SSBP2: variants seen among roughly 807,000 people sequenced by gnomAD.
SSBP2 encodes single-stranded DNA-binding protein 2.
Under a neutral mutation model 61.8 loss-of-function variants are expected in SSBP2, and 17 were observed. That is an observed-to-expected ratio of 0.28 (90% CI 0.19 to 0.41). The LOEUF (loss-of-function observed/expected upper bound fraction) is 0.41. SSBP2 is among the 10% of genes least tolerant of loss of function. The pLI is 1.00. For synonymous variants in SSBP2, 139 were observed against 141.3 expected (o/e 0.98, Z 0.12); for missense variants, 310 against 458.7 (o/e 0.68, Z 2.96).
intron 5 of SSBP2, among the ~76,000 whole-genome samples, chr5:81,497,562 A>G (rs532340065): frequency 3.2e-4 from 49 of 152,312 alleles, no homozygotes; most frequent in Admixed American, 5.2e-4. Context: ...TTGGTATAAC[A>G]TATCTGGTTG....
chr5:81,430,242 AT>A (rs1328941561), intron 15 of SSBP2, among the ~76,000 whole-genome samples: 1 of 152,216 alleles, frequency 6.6e-6, no homozygotes, highest in African/African-American at 2.4e-5. Flanking sequence ...TTTACTTATA[AT>A]TTATAAATTC....
chr5:81,574,744 T>C (rs1774078423), intron 4 of SSBP2, among the ~76,000 whole-genome samples: 1 of 151,578 alleles, frequency 6.6e-6, no homozygotes, highest in Non-Finnish European at 1.5e-5. Flanking sequence ...AGCTGGAACC[T>C]AAATAGAAAC....
chr5:81,667,286 T>TACAGATAC (rs1751217461), intron 1 of SSBP2, among the ~76,000 whole-genome samples: 4 of 133,732 alleles, frequency 3.0e-5, no homozygotes, highest in Admixed American at 7.5e-5. Flanking sequence ...GGGATACAGA[T>TACAGATAC]ACACACACAC....
At chr5:81,656,898 T>G (rs1236265465) in intron 1 of SSBP2, among the ~76,000 whole-genome samples, 4 of 152,078 alleles carry the variant, frequency 2.6e-5, no homozygotes, top group Admixed American at 2.6e-4. Flanking sequence ...GAAAAAGTCA[T>G]AAGTTTTTTT....
intron 1 of SSBP2, among the ~76,000 whole-genome samples, chr5:81,711,746 G>C (rs1754794726): frequency 6.6e-6 from 1 of 151,854 alleles, no homozygotes; most frequent in South Asian, 2.1e-4. Flanking sequence ...ACAGTATATG[G>C]AGGTAGATTA....
intron 4 of SSBP2, among the ~76,000 whole-genome samples, chr5:81,534,584 T>C (rs1202702364): frequency 6.6e-6 from 1 of 152,076 alleles, no homozygotes; most frequent in African/African-American, 2.4e-5. Flanking sequence ...CCTTTGATAA[T>C]TTTATTACTA....
intron 12 of SSBP2, among the ~76,000 whole-genome samples, chr5:81,444,940 T>C (rs543941418): frequency 1.3e-5 from 2 of 150,914 alleles, no homozygotes; most frequent in East Asian, 4.0e-4. Context: ...CTTGCCAACA[T>C]GGTGAAACCC....
intron 8 of SSBP2, among the ~76,000 whole-genome samples, chr5:81,469,147 G>A (rs1394015469): frequency 6.6e-6 from 1 of 151,830 alleles, no homozygotes; most frequent in Non-Finnish European, 1.5e-5. Context: ...GGTAGACAAT[G>A]GTTTGAATCT....
chr5:81,690,379 C>A (rs570676696), intron 1 of SSBP2, among the ~76,000 whole-genome samples: 27 of 152,020 alleles, frequency 1.8e-4, no homozygotes, highest in African/African-American at 6.5e-4. Flanking sequence ...TAAAAAGACA[C>A]AAAGACTGAA....
chr5:81,508,180 G>T (rs1385936302), intron 5 of SSBP2, among the ~76,000 whole-genome samples: 1 of 152,090 alleles, frequency 6.6e-6, no homozygotes, highest in Non-Finnish European at 1.5e-5. Flanking sequence ...ACCATACCAA[G>T]ATACTGTACT....
chr5:81,572,688 T>C (rs1561552884), intron 4 of SSBP2, among the ~76,000 whole-genome samples: 2 of 152,196 alleles, frequency 1.3e-5, no homozygotes, highest in East Asian at 3.8e-4. Context: ...TCCAAGAGTA[T>C]GACCATAAAC....
intron 6 of SSBP2, among the ~76,000 whole-genome samples, chr5:81,475,520 A>G (rs1016316191): frequency 6.6e-6 from 1 of 152,088 alleles, no homozygotes; most frequent in African/African-American, 2.4e-5. Context: ...AGATCCTACT[A>G]CATTATCTGT....
At chr5:81,613,149 G>A (rs1261782164) in intron 4 of SSBP2, among the ~76,000 whole-genome samples, 2 of 152,050 alleles carry the variant, frequency 1.3e-5, no homozygotes, top group Non-Finnish European at 2.9e-5. Flanking sequence ...GTTTTAAGAT[G>A]TAATAAAAAT....
chr5:81,622,477 CTG>C (rs1487077884), intron 3 of SSBP2, among the ~76,000 whole-genome samples: 1 of 152,202 alleles, frequency 6.6e-6, no homozygotes, highest in Non-Finnish European at 1.5e-5. Context: ...TGATTACCAG[CTG>C]TGACAGCCCT....
At chr5:81,692,973 A>T (rs1221250271) in intron 1 of SSBP2, among the ~76,000 whole-genome samples, 2 of 152,128 alleles carry the variant, frequency 1.3e-5, no homozygotes, top group Non-Finnish European at 2.9e-5. Flanking sequence ...TGGGAGGCTG[A>T]GGTGGGTGGA....
chr5:81,636,693 C>T (rs1748271983), intron 2 of SSBP2, 75 bp from the exon 3 acceptor site: 3 of 1,088,406 alleles, frequency 2.8e-6, no homozygotes. Context: ...ATAATATCCC[C>T]ATTTAAAATA....
intron 4 of SSBP2, among the ~76,000 whole-genome samples, chr5:81,522,442 TAAATGA>T (rs1164336029): frequency 1.3e-5 from 2 of 152,028 alleles, no homozygotes; most frequent in Non-Finnish European, 2.9e-5. Context: ...ATTTCTAACA[TAAATGA>T]AAATGATTGT....
intron 1 of SSBP2, among the ~76,000 whole-genome samples, chr5:81,710,175 C>T (rs1431871950): frequency 6.6e-6 from 1 of 151,966 alleles, no homozygotes; most frequent in East Asian, 1.9e-4. Context: ...GCTTATAGGA[C>T]ACAATGGTAA....
chr5:81,445,892 G>C (rs879475412), intron 12 of SSBP2, among the ~76,000 whole-genome samples: 2 of 151,842 alleles, frequency 1.3e-5, no homozygotes, highest in Admixed American at 1.3e-4. Flanking sequence ...TTTGTGTTAC[G>C]GTTTCAAATG....
Sources: allele counts gnomAD v4.1 joint callset (sites outside exome capture counted in the v4.1 genomes callset), GRCh38; gene constraint gnomAD v4.1.1; transcripts MANE v1.5; gene names NCBI Gene and HGNC (gene_info 2026-07-23, HGNC 2026-07-21).